ERP29: variants seen among roughly 807,000 people sequenced by gnomAD.
ERP29 encodes endoplasmic reticulum resident protein 29.
A neutral mutation model predicts 21.7 loss-of-function variants in ERP29; 14 were observed. The observed-to-expected ratio is 0.64, with a 90% CI of 0.43 to 1.01. The LOEUF is 1.01. Ranked by LOEUF, ERP29 falls within the 50% of genes least tolerant of loss-of-function variation. The pLI is 0.00. For missense variants in ERP29, 286 were observed against 327.3 expected, an observed-to-expected ratio of 0.87 and a Z score of 0.97; for synonymous variants, 129 against 139.1, an observed-to-expected ratio of 0.93 and a Z score of 0.51.
At chr12:112,021,351 G>C (rs1266599623) in intron 2 of ERP29, among the ~76,000 whole-genome samples, 2 of 152,098 alleles carry the variant, frequency 1.3e-5, no homozygotes, top group African/African-American at 4.8e-5. Flanking sequence ...AGGTCCTTTA[G>C]CTGATGTCAC....
chr12:112,019,812 T>G lies in ERP29; in HGVS notation c.201T>G (p.Gly67=), dbSNP rs746093695. ...LVKFDTQYPY[G]EKQDEFKRLA... is the part of the protein sequence containing the mutation. Reference sequence around the variant, plus strand: ...AGTTCGACACCCAGTACCCCTACGGTGAGAAGCAGGATGAGTTCAAGCGTC... The same window carrying G: ...AGTTCGACACCCAGTACCCCTACGGGGAGAAGCAGGATGAGTTCAAGCGTC... The change falls in exon 2 of 3, where the codon GGT becomes GGG. Residue 67 remains glycine, a synonymous_variant. Coordinates refer to ENST00000261735, the MANE Select transcript of ERP29 (RefSeq NM_006817.4). The G allele has an allele frequency of 2.5e-6, 4 of 1,613,916 alleles. No homozygotes were observed. Among genetic ancestry groups the G allele is most frequent in the Admixed American group, 1.7e-5 (1 of 59,990 alleles).
At chr12:112,021,937 C>A (rs1565989514) in intron 2 of ERP29, among the ~76,000 whole-genome samples, 1 of 152,112 alleles carries the variant, frequency 6.6e-6, no homozygotes, top group African/African-American at 2.4e-5. Flanking sequence ...AGATGAAGAA[C>A]AGTTCAGAGA....
At chr12:112,014,360 GCTT>G (rs1463590062) in intron 1 of ERP29, among the ~76,000 whole-genome samples, 2 of 152,180 alleles carry the variant, frequency 1.3e-5, no homozygotes, top group Non-Finnish European at 2.9e-5. Context: ...CAGGTTGTGT[GCTT>G]CTTATCAGAA....
chr12:112,019,272 C>T (rs1303460668), intron 1 of ERP29: 8 of 204,656 alleles, frequency 3.9e-5, no homozygotes, highest in Non-Finnish European at 8.1e-5. Context: ...AGCTTATCTG[C>T]CCTGAAATTG....
intron 2 of ERP29, 145 bp from the exon 3 acceptor site, chr12:112,022,003 AAC>A: frequency 1.4e-6 from 1 of 701,998 alleles, no homozygotes; most frequent in East Asian, 2.6e-5. Context: ...GAGGAATTCA[AAC>A]ACAGGTCTGT....
At position 112,013,576 on chromosome 12, in the gene ERP29, C is replaced by T; in HGVS notation, c.111C>T (p.Gly37=). The change falls in exon 1 of 3, where the codon GGC becomes GGT. Residue 37 remains glycine, a synonymous_variant. Transcript: ENST00000261735. ...PHGGSGLHTK[G]ALPLDTVTFY... ...GCGGCAGCGGCCTGCACACCAAGGG[C>T]GCCCTTCCCCTGGATACGGTCACTT... The T allele has an allele frequency of 6.2e-7, 1 of 1,607,428 alleles. No homozygotes were observed. The highest frequency in any genetic ancestry group is 2.3e-5 in the East Asian group (1 of 43,778).
chr12:112,020,982 T>A (rs901606178), intron 2 of ERP29, among the ~76,000 whole-genome samples: 2 of 152,226 alleles, frequency 1.3e-5, no homozygotes, highest in Non-Finnish European at 2.9e-5. Flanking sequence ...TAGTTGGTCT[T>A]AGCCGTTTCT....
In ERP29 at chr12:112,013,484, C is replaced by G; in HGVS notation, c.19C>G (p.Arg7Gly). Reference sequence around the variant, plus strand: ...CGGCGATATGGCTGCCGCTGTGCCCCGCGCCGCATTTCTCTCCCCGCTGCT... The same window carrying G: ...CGGCGATATGGCTGCCGCTGTGCCCGGCGCCGCATTTCTCTCCCCGCTGCT... The part of the protein sequence containing the change: MAAAVP[R>G]AAFLSPLLPL... Residue 7 changes from arginine to glycine, a missense_variant, in exon 1 of 3, where the codon CGC becomes GGC. By Grantham distance (125) the Arg-to-Gly change is moderately radical (BLOSUM62 -2). Coordinates refer to ENST00000261735, the MANE Select transcript of ERP29 (RefSeq NM_006817.4). 1.2e-6 allele frequency: 2 copies of G among 1,612,746 alleles called. No individual in the cohort carries two copies. Among genetic ancestry groups the G allele is most frequent in the South Asian group, 1.1e-5 (1 of 90,968 alleles).
rs2078054744 is a variant in ERP29 at position 112,022,424 on chromosome 12, TAA to T, written c.559_560del (p.Asn187ProfsTer42). 4 of 1,614,006 alleles carry T rather than the reference TAA, an allele frequency of 2.5e-6. No individual in the cohort carries two copies. The highest frequency in any genetic ancestry group is 1.7e-6 in the Non-Finnish European group (2 of 1,180,020). ...RQALLKQGQD[N>X]LSSVKETQKK... Reference sequence around the variant, plus strand: ...AGGCCCTCTTGAAGCAGGGGCAAGATAACCTCTCAAGTGTGAAGGAGACTCAG... The same window carrying T: ...AGGCCCTCTTGAAGCAGGGGCAAGATCCTCTCAAGTGTGAAGGAGACTCAG... On this transcript the variant is annotated frameshift_variant, in exon 3 of 3. Transcript: ENST00000261735. LOFTEE classifies it high-confidence loss of function.
At position 112,022,718 on chromosome 12, in the gene ERP29, T is replaced by A. The variant is rs1329214647; in HGVS notation, c.*66T>A. 6.7e-7 allele frequency: 1 copy of A among 1,500,210 alleles called. No homozygotes were observed. Among genetic ancestry groups the A allele is most frequent in the African/African-American group, 1.4e-5 (1 of 71,724 alleles). The allele number at this position is 1,500,210 out of a possible 1,614,324, so 92.9% of individuals were successfully genotyped here. ...GAGGGGAGAGTTAACCTGCTGGCTG[T>A]GAGTCCCTTGTGGAATATAAGGGGG... On this transcript the variant is annotated 3_prime_UTR_variant, in exon 3 of 3. Coordinates refer to ENST00000261735, the MANE Select transcript of ERP29 (RefSeq NM_006817.4).
chr12:112,020,975 T>C (rs760779572), intron 2 of ERP29, among the ~76,000 whole-genome samples: 1 of 152,206 alleles, frequency 6.6e-6, no homozygotes, highest in Non-Finnish European at 1.5e-5. Context: ...CTACTAGTAG[T>C]TGGTCTTAGC....
intron 1 of ERP29, among the ~76,000 whole-genome samples, chr12:112,018,117 T>C (rs1850415426): frequency 6.6e-6 from 1 of 152,060 alleles, no homozygotes; most frequent in Admixed American, 6.6e-5. Context: ...CAGCCAGAAT[T>C]ATGTCAGCTT....
At chr12:112,015,981 G>A (rs2136776635) in intron 1 of ERP29, among the ~76,000 whole-genome samples, 1 of 152,236 alleles carries the variant, frequency 6.6e-6, no homozygotes, top group Non-Finnish European at 1.5e-5. Context: ...CCTCCTTAGA[G>A]TTCTTCCTTG....
chr12:112,017,048 AATT>A (rs2078016361), intron 1 of ERP29, among the ~76,000 whole-genome samples: 1 of 152,192 alleles, frequency 6.6e-6, no homozygotes. Context: ...ACCACTGTAT[AATT>A]ATTAATATTA....
At position 112,022,625 on chromosome 12, in the gene ERP29, G is replaced by C; in HGVS notation, c.759G>C (p.Lys253Asn). 2 of 1,611,440 alleles carry C rather than the reference G, an allele frequency of 1.2e-6. No individual in the cohort carries two copies. Among genetic ancestry groups the C allele is most frequent in the Non-Finnish European group, 1.7e-6 (2 of 1,178,562 alleles). The stretch of plus-strand genomic sequence containing the variant: ...TAAACATCCTGACTGCCTTCCAGAA[G>C]AAGGGGGCCGAGAAAGAGGAGCTGT... ...KSLNILTAFQKKGAEKEEL is the reference protein window; with the variant it reads ...KSLNILTAFQNKGAEKEEL The change falls in exon 3 of 3, where the codon AAG becomes AAC. Residue 253 changes from lysine (K) to asparagine (N), a missense_variant. Physicochemically the swap from Lys to Asn is moderately conservative, Grantham distance 94 (BLOSUM62 0). Transcript: ENST00000261735.
At chr12:112,017,950 A>G (rs779612402) in intron 1 of ERP29, among the ~76,000 whole-genome samples, 7 of 151,506 alleles carry the variant, frequency 4.6e-5, no homozygotes, top group Non-Finnish European at 7.4e-5. Context: ...ACGCCCAGCT[A>G]ATTTTTGTAT....
rs1289783267 is a variant in ERP29 at position 112,023,344 on chromosome 12, A to G, written c.*692A>G. ...CTGTGACTTGGATTTACACAGCTAA[A>G]TGATATAGTCCGATTTCAAAATTAA... On this transcript the variant is annotated 3_prime_UTR_variant, in exon 3 of 3. Coordinates refer to ENST00000261735, the MANE Select transcript of ERP29 (RefSeq NM_006817.4). The G allele has an allele frequency of 2.6e-5, 4 of 152,238 alleles. No individual in the cohort carries two copies. Among genetic ancestry groups the G allele is most frequent in the African/African-American group, 9.6e-5 (4 of 41,456 alleles). The allele number at this position is 152,238 out of a possible 1,614,324, so 9.4% of individuals were successfully genotyped here.
intron 1 of ERP29, chr12:112,019,064 A>C (rs1221956145): frequency 6.5e-6 from 1 of 154,082 alleles, no homozygotes; most frequent in Admixed American, 6.4e-5. Flanking sequence ...CTGGCACTAG[A>C]TAGTAACCTC....
At chr12:112,021,685 T>C (rs1215073627) in intron 2 of ERP29, among the ~76,000 whole-genome samples, 1 of 151,758 alleles carries the variant, frequency 6.6e-6, no homozygotes, top group African/African-American at 2.4e-5. Flanking sequence ...CACCATGCCC[T>C]GCTAATTTTT....
Sources: allele counts gnomAD v4.1 joint callset (sites outside exome capture counted in the v4.1 genomes callset), GRCh38; gene constraint gnomAD v4.1.1; transcripts MANE v1.5; gene names NCBI Gene and HGNC (gene_info 2026-07-23, HGNC 2026-07-21).